CCDC148: variants seen among roughly 807,000 people sequenced by gnomAD.
CCDC148 encodes the protein coiled-coil domain-containing protein 148.
Under a neutral mutation model 85.7 loss-of-function variants are expected in CCDC148, and 89 were observed. The observed-to-expected ratio is 1.04, with a 90% CI of 0.87 to 1.24. CCDC148 has a LOEUF of 1.24. CCDC148 is among the 50% of genes most tolerant of loss of function. The probability of loss-of-function intolerance (pLI) is 0.00; values close to 1 mark genes in which losing one functional copy is unlikely to be tolerated. For synonymous variants in CCDC148, 230 were observed against 213.9 expected, an observed-to-expected ratio of 1.08 and a Z score of -0.66; for missense variants, 692 against 671.7, an observed-to-expected ratio of 1.03 and a Z score of -0.33.
Position 158,309,484 on chromosome 2 carries a change from C to T in CCDC148, c.1059G>A (p.Leu353=), listed in dbSNP as rs771015959. The T allele has an allele frequency of 6.2e-6, 10 of 1,614,044 alleles. No homozygotes were observed. The highest frequency in any genetic ancestry group is 1.1e-5 in the South Asian group (1 of 91,090). Residue 353 remains leucine, a synonymous_variant, in exon 9 of 14, where the codon TTG becomes TTA. Transcript: ENST00000283233. ...CCTGTTGCTTTTTCTTGTCCTTAGCCAACATGCTCTCCATTTCATGTGTTG... is the reference window on the plus strand; with the variant it reads ...CCTGTTGCTTTTTCTTGTCCTTAGCTAACATGCTCTCCATTTCATGTGTTG... The part of the protein sequence containing the change: ...ACATHEMESM[L]AKDKKKQQEL...
At chr2:158,411,299 C>T (rs908174707) in intron 1 of CCDC148, among the ~76,000 whole-genome samples, 1 of 152,046 alleles carries the variant, frequency 6.6e-6, no homozygotes, top group Non-Finnish European at 1.5e-5. Context: ...TCTCTCTTCT[C>T]CTTCCCTATG....
chr2:158,245,905 ACTTT>A (rs1688551853), intron 10 of CCDC148, among the ~76,000 whole-genome samples: 1 of 152,154 alleles, frequency 6.6e-6, no homozygotes, highest in Non-Finnish European at 1.5e-5. Context: ...AGGAATCAAA[ACTTT>A]CTTTGAGTCT....
chr2:158,316,418 T>C (rs1692285186), intron 7 of CCDC148, among the ~76,000 whole-genome samples: 1 of 152,178 alleles, frequency 6.6e-6, no homozygotes. Context: ...TCATAAGACA[T>C]TAAAGTCAGA....
Position 158,276,476 on chromosome 2 carries a change from G to A in CCDC148, c.1111-25564C>T, listed in dbSNP as rs1689950637. On this transcript the variant is annotated intron_variant, in intron 9 of 13. Coordinates refer to ENST00000283233, the MANE Select transcript of CCDC148 (RefSeq NM_138803.4). ...AAAAAACAAACAAAAAAACTGCCTC[G>A]TTATGGGAGGCGAAGGTTGCAGTGA... Among the ~76,000 whole-genome samples the A allele has an allele frequency of 2.6e-5, 4 of 151,168 alleles. No homozygotes were observed. In the South Asian group the frequency reaches 8.4e-4, roughly 32 times the overall value.
At chr2:158,417,268 C>G (rs188158105) in intron 1 of CCDC148, among the ~76,000 whole-genome samples, 1 of 152,332 alleles carries the variant, frequency 6.6e-6, no homozygotes, top group Middle Eastern at 3.4e-3. Context: ...AATGTAACAA[C>G]AGCCACAGAT....
chr2:158,364,093 C>G (rs1684090603), intron 1 of CCDC148, among the ~76,000 whole-genome samples: 1 of 152,134 alleles, frequency 6.6e-6, no homozygotes, highest in Non-Finnish European at 1.5e-5. Flanking sequence ...CCTAGGAATA[C>G]AACTTACAAG....
At chr2:158,389,360 GA>G (rs1307115941) in intron 1 of CCDC148, among the ~76,000 whole-genome samples, 1 of 152,014 alleles carries the variant, frequency 6.6e-6, no homozygotes, top group African/African-American at 2.4e-5. Context: ...AAACAAGAAT[GA>G]AAAAGAAACA....
At chr2:158,202,719 C>A (rs753661302) in intron 11 of CCDC148, among the ~76,000 whole-genome samples, 2 of 152,208 alleles carry the variant, frequency 1.3e-5, no homozygotes, top group African/African-American at 2.4e-5. Context: ...ATTTTAATTT[C>A]ATATAATTTC....
intron 3 of CCDC148, among the ~76,000 whole-genome samples, chr2:158,344,890 A>C (rs1306798205): frequency 6.6e-6 from 1 of 152,110 alleles, no homozygotes. Context: ...ATAGGGAGGA[A>C]AAAACATGTA....
At chr2:158,425,019 G>C (rs1230617028) in intron 1 of CCDC148, 1 of 411,528 alleles carries the variant, frequency 2.4e-6, no homozygotes, top group African/African-American at 2.1e-5. Flanking sequence ...AGGAAGAACA[G>C]GTGCTGCAAC....
intron 1 of CCDC148, among the ~76,000 whole-genome samples, chr2:158,449,192 T>C (rs1187337001): frequency 6.6e-6 from 1 of 152,238 alleles, no homozygotes; most frequent in Non-Finnish European, 1.5e-5. Context: ...AACTGACTTC[T>C]ATATATTGAT....
intron 1 of CCDC148, among the ~76,000 whole-genome samples, chr2:158,370,481 T>A (rs1398055345): frequency 2.6e-5 from 4 of 152,060 alleles, no homozygotes. Flanking sequence ...TGCTACTGAC[T>A]AGGTATGTGA....
At chr2:158,187,369 G>A (rs1050859633) in intron 11 of CCDC148, among the ~76,000 whole-genome samples, 1 of 151,642 alleles carries the variant, frequency 6.6e-6, no homozygotes, top group African/African-American at 2.4e-5. Flanking sequence ...ATTCAAATGG[G>A]GTGGAGGGAT....
chr2:158,445,307 T>G (rs17492897), intron 1 of CCDC148, among the ~76,000 whole-genome samples: 25,398 of 152,146 alleles, frequency 0.17, 2,273 homozygotes, highest in Middle Eastern at 0.21. Flanking sequence ...GAATTTCCTT[T>G]TATTTTTTCC....
In CCDC148 at chr2:158,176,644, T is replaced by C; in HGVS notation, c.1506A>G (p.Gln502=). 6.2e-7 allele frequency: 1 copy of C among 1,612,080 alleles called. No homozygotes were observed. The highest frequency in any genetic ancestry group is 8.5e-7 in the Non-Finnish European group (1 of 1,178,892). ...CTGACATCATTCTAACAGGATCAAA[T>C]TGAGCAACAACAGCAACCTAAAAAT... ...ALRKQVAVVA[Q]FDPVRMMSDT... Residue 502 remains glutamine, a synonymous_variant, in exon 13 of 14, where the codon CAA becomes CAG. Coordinates refer to ENST00000283233, the MANE Select transcript of CCDC148 (RefSeq NM_138803.4).
intron 1 of CCDC148, among the ~76,000 whole-genome samples, chr2:158,401,703 A>G (rs1192549196): frequency 6.6e-6 from 1 of 152,080 alleles, no homozygotes; most frequent in African/African-American, 2.4e-5. Context: ...AATAATAATA[A>G]AAAGACTTGA....
chr2:158,352,000 C>A (rs1316638087), intron 2 of CCDC148, among the ~76,000 whole-genome samples: 2 of 140,732 alleles, frequency 1.4e-5, no homozygotes, highest in Non-Finnish European at 3.0e-5. Context: ...TTCCAACAGA[C>A]CTGCAGCTGA....
In CCDC148 at chr2:158,258,093, GAAATCAATTTTGTGGATAGCAACTAGC is replaced by G. The variant is rs1689081540; in HGVS notation, c.1111-7208_1111-7182del. ...CTAAACAATTCATTAACTGGATCAT[GAAATCAATTTTGTGGATAGCAACTAGC>G]ATTTTTTATGCAAGATAATAGAATG... On this transcript the variant is annotated intron_variant, in intron 9 of 13. Coordinates refer to ENST00000283233, the MANE Select transcript of CCDC148 (RefSeq NM_138803.4). Among the ~76,000 whole-genome samples the G allele has an allele frequency of 2.0e-5, 3 of 151,856 alleles. No individual in the cohort carries two copies. The Admixed American group carries it at 2.0e-4, about 10-fold the overall frequency.
At chr2:158,211,456 G>C (rs1686573236) in intron 11 of CCDC148, among the ~76,000 whole-genome samples, 1 of 152,174 alleles carries the variant, frequency 6.6e-6, no homozygotes, top group African/African-American at 2.4e-5. Context: ...ATATTCTAAA[G>C]TATTTCTGAT....
Sources: allele counts gnomAD v4.1 joint callset (sites outside exome capture counted in the v4.1 genomes callset), GRCh38; gene constraint gnomAD v4.1.1; transcripts MANE v1.5; gene names NCBI Gene and HGNC (gene_info 2026-07-23, HGNC 2026-07-21).